The following WDR70 variants were observed in gnomAD, a reference collection of about 807,000 sequenced individuals.
WDR70 encodes the protein WD repeat domain 70.
A neutral mutation model predicts 88.6 loss-of-function variants in WDR70; 53 were observed. That is an observed-to-expected ratio of 0.60 (90% confidence interval 0.48 to 0.75). WDR70 has a LOEUF of 0.75. Ranked by LOEUF, WDR70 falls within the 30% of genes least tolerant of loss-of-function variation. The pLI is 0.00. For missense variants in WDR70, 610 were observed against 823.2 expected, an observed-to-expected ratio of 0.74 and a Z score of 3.17; for synonymous variants, 280 against 270.0, an observed-to-expected ratio of 1.04 and a Z score of -0.36.
intron 8 of WDR70, among the ~76,000 whole-genome samples, chr5:37,510,017 GT>G (rs1176488239): frequency 3.3e-5 from 5 of 151,072 alleles, no homozygotes; most frequent in Admixed American, 6.6e-5. Context: ...AGCTGTGGTG[GT>G]CGCACCATTG....
chr5:37,559,842 T>C (rs1343143921), intron 9 of WDR70, among the ~76,000 whole-genome samples: 1 of 143,166 alleles, frequency 7.0e-6, no homozygotes, highest in Non-Finnish European at 1.5e-5. Context: ...CAAAATTCAG[T>C]ATAAAAAAAA....
intron 9 of WDR70, among the ~76,000 whole-genome samples, chr5:37,594,221 G>A (rs1356238255): frequency 6.6e-6 from 1 of 152,152 alleles, no homozygotes. Flanking sequence ...CCTTGCCCAT[G>A]CCTATGTCCT....
chr5:37,499,593 C>CTCTCTCTCTTTT (rs1740339490), intron 8 of WDR70, among the ~76,000 whole-genome samples: 1 of 50,060 alleles, frequency 2.0e-5, no homozygotes, highest in African/African-American at 4.6e-5. Flanking sequence ...AATATTCTCT[C>CTCTCTCTCTTTT]TCTCTCTCTC....
chr5:37,524,284 G>A (rs1258888618), intron 9 of WDR70, among the ~76,000 whole-genome samples: 3 of 152,118 alleles, frequency 2.0e-5, no homozygotes, highest in East Asian at 3.8e-4. Context: ...CTGATTTCTC[G>A]GCAGAAGCTC....
At chr5:37,444,768 A>G (rs973599020) in intron 7 of WDR70, among the ~76,000 whole-genome samples, 3 of 151,978 alleles carry the variant, frequency 2.0e-5, no homozygotes, top group Non-Finnish European at 2.9e-5. Flanking sequence ...GTGGAAGACA[A>G]TTTTTCCATG....
In WDR70 at chr5:37,524,187, C is replaced by T. The variant is rs750539189; in HGVS notation, c.917+7597C>T. On this transcript the variant is annotated intron_variant, in intron 9 of 17. Transcript: ENST00000265107. The stretch of plus-strand genomic sequence containing the variant: ...CCAAGACACATAATTGTCAGATTCA[C>T]CAAAGTTGAAATGAAGGAAAAAATA... Among the ~76,000 whole-genome samples, 138 of 152,148 alleles carry T rather than the reference C, an allele frequency of 9.1e-4. 2 individuals carry two copies. The Middle Eastern group carries it at 0.037, about 41-fold the overall frequency.
chr5:37,616,365 C>T (rs990789818), intron 10 of WDR70, among the ~76,000 whole-genome samples: 1 of 152,168 alleles, frequency 6.6e-6, no homozygotes, highest in Non-Finnish European at 1.5e-5. Flanking sequence ...GCCTCAGCTT[C>T]CCAAAGCGCT....
intron 13 of WDR70, among the ~76,000 whole-genome samples, chr5:37,717,272 G>A (rs1197799908): frequency 3.3e-5 from 5 of 152,160 alleles, no homozygotes; most frequent in African/African-American, 1.2e-4. Context: ...ATTTAATTAA[G>A]CAAATAAGTT....
chr5:37,422,847 G>A (rs1287633907), intron 5 of WDR70, among the ~76,000 whole-genome samples: 3 of 151,696 alleles, frequency 2.0e-5, no homozygotes, highest in African/African-American at 7.3e-5. Context: ...GGCTGGTCTC[G>A]AACTCCTGAG....
chr5:37,415,310 C>A (rs531805179), intron 5 of WDR70, among the ~76,000 whole-genome samples: 1 of 150,426 alleles, frequency 6.6e-6, no homozygotes, highest in Admixed American at 6.6e-5. Context: ...ACCTCCCAGA[C>A]GGGGTGGTGG....
At chr5:37,568,419 A>T (rs966046700) in intron 9 of WDR70, among the ~76,000 whole-genome samples, 3 of 152,152 alleles carry the variant, frequency 2.0e-5, no homozygotes, top group Admixed American at 2.0e-4. Context: ...AATTCAATGG[A>T]TTGTCTTATT....
At chr5:37,570,810 C>G (rs1446972550) in intron 9 of WDR70, among the ~76,000 whole-genome samples, 2 of 152,170 alleles carry the variant, frequency 1.3e-5, no homozygotes, top group African/African-American at 4.8e-5. Context: ...GTTCTTTACC[C>G]ATTTTTGTAC....
chr5:37,398,305 G>A (rs1198622205), intron 5 of WDR70, among the ~76,000 whole-genome samples: 2 of 151,912 alleles, frequency 1.3e-5, no homozygotes, highest in Non-Finnish European at 2.9e-5. Flanking sequence ...AGCCAGGATG[G>A]TCTCGATCTC....
At chr5:37,577,572 T>C (rs1743095274) in intron 9 of WDR70, among the ~76,000 whole-genome samples, 4 of 152,096 alleles carry the variant, frequency 2.6e-5, no homozygotes, top group Admixed American at 2.6e-4. Context: ...GAGATAATGT[T>C]TTAGTTGAGA....
At chr5:37,534,947 A>C (rs564829085) in intron 9 of WDR70, among the ~76,000 whole-genome samples, 1 of 152,148 alleles carries the variant, frequency 6.6e-6, no homozygotes, top group South Asian at 2.1e-4. Context: ...GAGTGTAGTA[A>C]TTAGTTATAA....
chr5:37,415,478 T>C (rs1220715030), intron 5 of WDR70, among the ~76,000 whole-genome samples: 2 of 64,882 alleles, frequency 3.1e-5, no homozygotes, highest in South Asian at 6.1e-4. Flanking sequence ...CCCACCTCCC[T>C]CCCGGAAGGG....
chr5:37,637,179 T>TAAAAATAC (rs1286320024), intron 10 of WDR70, among the ~76,000 whole-genome samples: 1 of 151,770 alleles, frequency 6.6e-6, no homozygotes, highest in Non-Finnish European at 1.5e-5. Context: ...CTTTCTCTAC[T>TAAAAATAC]AAAAATACAA....
chr5:37,610,449 G>T (rs866182056), intron 10 of WDR70, among the ~76,000 whole-genome samples: 1 of 151,414 alleles, frequency 6.6e-6, no homozygotes, highest in Non-Finnish European at 1.5e-5. Flanking sequence ...AAAAAAGTTG[G>T]TTTTTTGGTT....
intron 17 of WDR70, among the ~76,000 whole-genome samples, chr5:37,737,828 TCA>T (rs781687555): frequency 3.7e-4 from 56 of 152,276 alleles, no homozygotes; most frequent in Middle Eastern, 3.4e-3. Context: ...TTTCCTATTT[TCA>T]CAGTTTCCGT....
Sources: gnomAD v4.1 joint callset for allele counts (sites outside exome capture counted in the v4.1 genomes callset) on GRCh38, gnomAD v4.1.1 for gene constraint, MANE v1.5 for transcripts, NCBI Gene and HGNC (gene_info 2026-07-23, HGNC 2026-07-21) for gene names.